NID1: variants seen among roughly 807,000 people sequenced by gnomAD.
NID1 encodes the protein nidogen-1.
In NID1, 76 loss-of-function variants were observed where a neutral mutation model predicts 130.6. That is an observed-to-expected ratio of 0.58 (90% CI 0.48 to 0.70). The LOEUF (loss-of-function observed/expected upper bound fraction) is 0.70, where lower values mean the gene tolerates loss of function less well. Among genes scored for constraint, NID1 ranks in the 30% least tolerant of loss-of-function variants. NID1 has a pLI of 0.00. For synonymous variants in NID1, 665 were observed against 675.1 expected (o/e 0.98, Z 0.23); for missense variants, 1,517 against 1,664.8 (o/e 0.91, Z 1.54).
intron 14 of NID1, among the ~76,000 whole-genome samples, chr1:235,985,714 G>A (rs532770697): frequency 6.6e-6 from 1 of 151,190 alleles, no homozygotes; most frequent in African/African-American, 2.4e-5. Context: ...ACATCTATAT[G>A]TATAGGAATT....
chr1:236,043,605 T>C (rs1157873924), intron 3 of NID1, among the ~76,000 whole-genome samples: 3 of 152,072 alleles, frequency 2.0e-5, no homozygotes, highest in Non-Finnish European at 4.4e-5. Context: ...GAGACCATCC[T>C]GGCTAACATG....
rs144152837 is a variant in NID1 at position 235,985,438 on chromosome 1, T to C, written c.2996A>G (p.Glu999Gly). Residue 999 changes from glutamate to glycine, a missense_variant, in exon 15 of 20, where the codon GAG becomes GGG. Transcript: ENST00000264187. ...TAGACTAGCTCTCCCAATGGAAGGC[T>C]CAGTGATGTCCGTCCAGTAAACCAT... ...DKMVYWTDIT[E>G]PSIGRASLHG... 4.8e-5 allele frequency: 78 copies of C among 1,614,062 alleles called. No homozygotes were observed. In the African/African-American group the frequency reaches 9.5e-4, roughly 20 times the overall value.
Position 236,024,223 on chromosome 1 carries a change from C to T in NID1, c.1985-10G>A, listed in dbSNP as rs770127622. 1.2e-6 allele frequency: 2 copies of T among 1,614,024 alleles called. No individual in the cohort carries two copies. The highest frequency in any genetic ancestry group is 8.5e-7 in the Non-Finnish European group (1 of 1,179,956). ...GCATCAGGGGAGCCTTCTGTGAAGA[C>T]AGAGACATTGGAACCAAGTGAGTCT... On this transcript the variant is annotated splice_polypyrimidine_tract_variant and intron_variant, in intron 8 of 19. Transcript: ENST00000264187.
chr1:236,007,759 A>C (rs1276973617), intron 12 of NID1, among the ~76,000 whole-genome samples: 1 of 152,126 alleles, frequency 6.6e-6, no homozygotes, highest in Non-Finnish European at 1.5e-5. Flanking sequence ...GCCCCGACTA[A>C]TGTCTCAGCA....
At position 236,023,127 on chromosome 1, in the gene NID1, A is replaced by G. The variant is rs546892407; in HGVS notation, c.2128+943T>C. 3.9e-5 allele frequency among the ~76,000 whole-genome samples: 6 copies of G among 152,280 alleles called. No individual in the cohort carries two copies. In the East Asian group the frequency reaches 1.2e-3, roughly 29 times the overall value. ...AATCCCACTTTTGAATATATGCCCA[A>G]AAGAACGGAAAGCAGGAACTTCAAC... On this transcript the variant is annotated intron_variant, in intron 9 of 19. Transcript: ENST00000264187.
intron 12 of NID1, among the ~76,000 whole-genome samples, chr1:236,009,179 A>T (rs1284004094): frequency 6.6e-6 from 1 of 152,176 alleles, no homozygotes; most frequent in Non-Finnish European, 1.5e-5. Context: ...CTAGGTCATG[A>T]AAGGGGGGCC....
chr1:236,044,558 T>C (rs1011918670), intron 3 of NID1, among the ~76,000 whole-genome samples: 10 of 152,148 alleles, frequency 6.6e-5, no homozygotes, highest in African/African-American at 2.4e-4. Flanking sequence ...TAAATCAGGT[T>C]CCTCTGCCCT....
intron 19 of NID1, 51 bp from the exon 20 acceptor site, chr1:235,978,039 T>A: frequency 6.3e-7 from 1 of 1,596,758 alleles, no homozygotes; most frequent in South Asian, 1.1e-5. Flanking sequence ...TCTGACTCCA[T>A]AGCCATTTAA....
chr1:236,024,027 G>A lies in NID1; in HGVS notation c.2128+43C>T, dbSNP rs368683666. ...TACAGAACGTGGATGCCTCCTCCTC[G>A]CCTGATTTCCCAGCCCCAACAAGTC... is the stretch of plus-strand genomic sequence containing the variant. On this transcript the variant is annotated intron_variant, in intron 9 of 19. Coordinates refer to ENST00000264187, the MANE Select transcript of NID1 (RefSeq NM_002508.3). 4.0e-5 allele frequency: 65 copies of A among 1,607,684 alleles called. 1 individual carries two copies. Among genetic ancestry groups the A allele is most frequent in the African/African-American group, 2.4e-4 (18 of 74,950 alleles).
chr1:236,025,932 G>T lies in NID1; in HGVS notation c.1948C>A (p.Arg650Ser), dbSNP rs562243335. Residue 650 changes from arginine to serine, a missense_variant, in exon 8 of 20, where the codon CGC becomes AGC. Around this residue, in one of 3 missense-constraint regions of NID1, gnomAD observed 1,329 missense variants for 1,429.2 expected, o/e 0.93. Coordinates refer to ENST00000264187, the MANE Select transcript of NID1 (RefSeq NM_002508.3). The part of the protein sequence containing the change: ...VLYNQEEKIL[R>S]YALSNSIGPV... ...CCAATGGAGTTGCTGAGAGCATAGC[G>T]CAAGATCTTCTCCTCCTGGTTGTAC... 3.1e-6 allele frequency: 5 copies of T among 1,613,880 alleles called. No homozygotes were observed. In the South Asian group the frequency reaches 4.4e-5, roughly 14 times the overall value.
At chr1:236,005,231 C>CA (rs1558429600) in intron 12 of NID1, among the ~76,000 whole-genome samples, 1 of 150,666 alleles carries the variant, frequency 6.6e-6, no homozygotes, top group African/African-American at 2.4e-5. Context: ...CAGATATAGG[C>CA]GGGGGGTGGG....
intron 1 of NID1, among the ~76,000 whole-genome samples, chr1:236,064,132 G>A (rs1326893767): frequency 6.6e-6 from 1 of 152,196 alleles, no homozygotes; most frequent in Non-Finnish European, 1.5e-5. Flanking sequence ...GCAGCGGCAC[G>A]AAAGGACTTC....
intron 15 of NID1, 37 bp downstream of exon 15, chr1:235,985,342 C>T (rs116516161): frequency 6.2e-7 from 1 of 1,612,832 alleles, no homozygotes; most frequent in Non-Finnish European, 8.5e-7. Context: ...CTGCTAGAAG[C>T]AAAACCAAAA....
chr1:236,013,389 G>A, intron 11 of NID1, 22 bp downstream of exon 11: 1 of 1,613,130 alleles, frequency 6.2e-7, no homozygotes, highest in African/African-American at 1.3e-5. Context: ...ACACACAGGG[G>A]AAGATCAGAG....
chr1:236,004,718 T>C (rs1480315082), intron 12 of NID1, among the ~76,000 whole-genome samples: 6 of 128,930 alleles, frequency 4.7e-5, no homozygotes, highest in Non-Finnish European at 6.2e-5. Flanking sequence ...GCCGAGATCA[T>C]GCCACTGCAC....
chr1:236,010,901 G>A (rs1658389766), intron 12 of NID1, among the ~76,000 whole-genome samples: 3 of 152,214 alleles, frequency 2.0e-5, no homozygotes, highest in South Asian at 2.1e-4. Context: ...CTTAGTGAGA[G>A]TGAAGATAAA....
In NID1 at chr1:236,045,582, C is replaced by T; in HGVS notation, c.627G>A (p.Lys209=). 6.2e-7 allele frequency: 1 copy of T among 1,614,092 alleles called. No homozygotes were observed. Among genetic ancestry groups the T allele is most frequent in the Non-Finnish European group, 8.5e-7 (1 of 1,180,026 alleles). ...CGGCAGGAACTTGGTTGTTTTCCTT[C>T]TTTGAGAATGTCGTATGGAACTGCA... ...DGLQFHTTFS[K]KENNQVPAVV... is the part of the protein sequence containing the mutation. Residue 209 remains lysine, a synonymous_variant, in exon 3 of 20, where the codon AAG becomes AAA. Transcript: ENST00000264187.
chr1:236,011,853 T>TGTGCTCTGCATTCATGGACAGGGCAAC (rs1658434739), intron 12 of NID1, 68 bp downstream of exon 12: 5 of 1,054,802 alleles, frequency 4.7e-6, no homozygotes, highest in Non-Finnish European at 7.4e-6. Context: ...GACAGGGCAA[T>TGTGCTCTGCATTCATGGACAGGGCAAC]GGGCCATGTG....
chr1:235,984,300 T>C (rs549664129), intron 15 of NID1, among the ~76,000 whole-genome samples: 1 of 152,338 alleles, frequency 6.6e-6, no homozygotes, highest in South Asian at 2.1e-4. Context: ...TTAAATAGCC[T>C]GTTGGCTTCC....
Sources: gnomAD v4.1 joint callset for allele counts (sites outside exome capture counted in the v4.1 genomes callset) on GRCh38, gnomAD v4.1.1 for gene constraint, gnomAD v4.1.1 regional missense constraint, MANE v1.5 for transcripts, NCBI Gene and HGNC (gene_info 2026-07-23, HGNC 2026-07-21) for gene names.